Variants in SCHIP1 observed in about 807,000 individuals in gnomAD.
SCHIP1 encodes the protein schwannomin interacting protein 1.
A neutral mutation model predicts 29.7 loss-of-function variants in SCHIP1; 8 were observed. The ratio of observed to expected loss-of-function variants is 0.27; its 90% confidence interval spans 0.16 to 0.49. The LOEUF is 0.49. Ranked by LOEUF, SCHIP1 falls within the 20% of genes least tolerant of loss-of-function variation. The pLI is 0.99. For missense variants in SCHIP1, 193 were observed against 294.6 expected, an observed-to-expected ratio of 0.66 and a Z score of 2.52; for synonymous variants, 76 against 94.9, an observed-to-expected ratio of 0.80 and a Z score of 1.16.
chr3:159,502,650 C>A, the SCHIP1 span, among the ~76,000 whole-genome samples: 119 of 152,066 alleles, frequency 7.8e-4, 1 homozygote, highest in African/African-American at 2.5e-3. Flanking sequence ...CCACTCCCCC[C>A]ACCCCACAAC....
At chr3:159,394,919 A>T in the SCHIP1 span, among the ~76,000 whole-genome samples, 1 of 152,168 alleles carries the variant, frequency 6.6e-6, no homozygotes, top group East Asian at 1.9e-4. Flanking sequence ...CCTCTGGTAG[A>T]ATTCGGCTGT....
At chr3:159,434,248 T>C in the SCHIP1 span, among the ~76,000 whole-genome samples, 3 of 152,168 alleles carry the variant, frequency 2.0e-5, no homozygotes, top group African/African-American at 7.2e-5. Context: ...TAATTGAGTT[T>C]ACCATGTTGT....
chr3:159,883,842 T>TC (rs971077534), intron 2 of SCHIP1, among the ~76,000 whole-genome samples: 2 of 151,926 alleles, frequency 1.3e-5, no homozygotes, highest in African/African-American at 4.8e-5. Flanking sequence ...CTACTAAATC[T>TC]CCCCCAACTT....
At chr3:159,410,298 G>C in the SCHIP1 span, among the ~76,000 whole-genome samples, 1 of 152,044 alleles carries the variant, frequency 6.6e-6, no homozygotes, top group Admixed American at 6.6e-5. Flanking sequence ...AAGTTAAAAA[G>C]CTTCTGCACA....
chr3:159,825,911 G>A, the SCHIP1 span, among the ~76,000 whole-genome samples: 1 of 152,194 alleles, frequency 6.6e-6, no homozygotes, highest in Non-Finnish European at 1.5e-5. Context: ...CAGCTTGTGT[G>A]AGGGCCCTGA....
the SCHIP1 span, among the ~76,000 whole-genome samples, chr3:159,457,084 G>T: frequency 3.9e-5 from 6 of 151,972 alleles, no homozygotes; most frequent in African/African-American, 9.7e-5. Context: ...TATGCCATTT[G>T]TCTCTGTAAA....
the SCHIP1 span, among the ~76,000 whole-genome samples, chr3:159,364,150 G>C: frequency 6.6e-6 from 1 of 152,158 alleles, no homozygotes. Flanking sequence ...ATCTTATCAT[G>C]ACTTTGACTA....
At chr3:159,750,809 G>A in the SCHIP1 span, among the ~76,000 whole-genome samples, 1 of 151,870 alleles carries the variant, frequency 6.6e-6, no homozygotes. Flanking sequence ...CAACTGAATA[G>A]CTTCTTGTAT....
the SCHIP1 span, chr3:159,387,289 T>C: frequency 3.1e-4 from 86 of 273,884 alleles, no homozygotes; most frequent in African/African-American, 1.7e-3. Context: ...TAAATTTTCA[T>C]CCTTGAGGGA....
the SCHIP1 span, among the ~76,000 whole-genome samples, chr3:159,775,634 T>C: frequency 6.6e-6 from 1 of 152,138 alleles, no homozygotes; most frequent in Non-Finnish European, 1.5e-5. Context: ...CCAGGCCCAC[T>C]CTTGTACTGT....
chr3:159,634,265 A>T, the SCHIP1 span, among the ~76,000 whole-genome samples: 1 of 152,198 alleles, frequency 6.6e-6, no homozygotes, highest in East Asian at 1.9e-4. Context: ...TGCCTCTGGG[A>T]GGTAGAAATG....
At chr3:159,649,271 G>A in the SCHIP1 span, among the ~76,000 whole-genome samples, 2 of 152,140 alleles carry the variant, frequency 1.3e-5, no homozygotes, top group Non-Finnish European at 2.9e-5. Context: ...CTCTCTGTCA[G>A]TCTCCATTTG....
At chr3:159,728,026 A>T in the SCHIP1 span, among the ~76,000 whole-genome samples, 1 of 150,600 alleles carries the variant, frequency 6.6e-6, no homozygotes, top group Non-Finnish European at 1.5e-5. Flanking sequence ...TAAAAAGGCA[A>T]TCTGTAATTT....
chr3:159,744,111 C>G, the SCHIP1 span, among the ~76,000 whole-genome samples: 2 of 151,874 alleles, frequency 1.3e-5, no homozygotes, highest in African/African-American at 4.8e-5. Context: ...GGTGAAACAC[C>G]CAGAAGGCCT....
At chr3:159,278,613 G>T in the SCHIP1 span, among the ~76,000 whole-genome samples, 1 of 152,064 alleles carries the variant, frequency 6.6e-6, no homozygotes, top group African/African-American at 2.4e-5. Flanking sequence ...TACCTTTAAA[G>T]ATTCTGTTCC....
chr3:159,840,043 G>A, exon 1 of SCHIP1: 1 of 1,477,450 alleles, frequency 6.8e-7, no homozygotes, highest in East Asian at 2.5e-5. Context: ...GTTGATCAGC[G>A]AAACAGCATC....
At chr3:159,532,879 G>A in the SCHIP1 span, among the ~76,000 whole-genome samples, 1 of 152,160 alleles carries the variant, frequency 6.6e-6, no homozygotes, top group Non-Finnish European at 1.5e-5. Context: ...TGAGTGAGCT[G>A]TAAGTCCCAA....
chr3:159,830,496 A>G, the SCHIP1 span, among the ~76,000 whole-genome samples: 2 of 152,236 alleles, frequency 1.3e-5, no homozygotes, highest in Non-Finnish European at 1.5e-5. Context: ...AGCATAACCA[A>G]GGTCAGAATA....
the SCHIP1 span, among the ~76,000 whole-genome samples, chr3:159,452,094 G>C: frequency 7.9e-5 from 12 of 151,430 alleles, no homozygotes; most frequent in East Asian, 1.9e-3. Flanking sequence ...ATTTCACTTA[G>C]CTGTAACAAT....
Sources: allele counts gnomAD v4.1 joint callset (sites outside exome capture counted in the v4.1 genomes callset), GRCh38; gene constraint gnomAD v4.1.1; transcripts MANE v1.5; gene names NCBI Gene and HGNC (gene_info 2026-07-23, HGNC 2026-07-21).